The following LIN7A variants were observed in gnomAD, a reference collection of about 807,000 sequenced individuals.
LIN7A encodes the protein protein lin-7 homolog A.
A neutral mutation model predicts 29.8 loss-of-function variants in LIN7A; 25 were observed. The observed-to-expected ratio is 0.84, with a 90% CI of 0.61 to 1.17. LIN7A has a LOEUF of 1.17. Ranked by LOEUF, LIN7A falls within the 50% of genes most tolerant of loss-of-function variation. The pLI, the probability that LIN7A is intolerant of heterozygous loss-of-function variation, is 0.00. For missense variants in LIN7A, 239 were observed against 287.0 expected, an observed-to-expected ratio of 0.83 and a Z score of 1.21; for synonymous variants, 118 against 107.5, an observed-to-expected ratio of 1.10 and a Z score of -0.60.
At chr12:80,865,788 G>A (rs1456077462) in intron 2 of LIN7A, among the ~76,000 whole-genome samples, 1 of 152,180 alleles carries the variant, frequency 6.6e-6, no homozygotes, top group Non-Finnish European at 1.5e-5. Flanking sequence ...AAAATAAGTG[G>A]ACATACAGCC....
chr12:80,864,992 A>G (rs1480387586), intron 2 of LIN7A, among the ~76,000 whole-genome samples: 1 of 152,190 alleles, frequency 6.6e-6, no homozygotes, highest in East Asian at 1.9e-4. Context: ...AATGCTATCA[A>G]TTCATGTAAA....
At chr12:80,933,769 T>C (rs1878050179) in intron 1 of LIN7A, among the ~76,000 whole-genome samples, 1 of 152,096 alleles carries the variant, frequency 6.6e-6, no homozygotes. Flanking sequence ...ACAGGACTCT[T>C]CTCAAATGTC....
intron 1 of LIN7A, among the ~76,000 whole-genome samples, chr12:80,902,217 G>GTTTTTTTTT (rs11410643): frequency 8.0e-6 from 1 of 125,642 alleles, no homozygotes; most frequent in African/African-American, 3.1e-5. Flanking sequence ...TGGTCTATGT[G>GTTTTTTTTT]TTTTTTTTTT....
chr12:80,928,727 T>C (rs1046626244), intron 1 of LIN7A, among the ~76,000 whole-genome samples: 1 of 152,192 alleles, frequency 6.6e-6, no homozygotes, highest in Non-Finnish European at 1.5e-5. Flanking sequence ...TTGGCTTTTG[T>C]TGCCATTTGC....
At chr12:80,929,721 A>G (rs1406448165) in intron 1 of LIN7A, among the ~76,000 whole-genome samples, 1 of 152,146 alleles carries the variant, frequency 6.6e-6, no homozygotes, top group South Asian at 2.1e-4. Context: ...AAATATATAT[A>G]TGTACACACA....
intron 1 of LIN7A, among the ~76,000 whole-genome samples, chr12:80,902,217 G>GTTTTTTTT (rs11410643): frequency 8.0e-6 from 1 of 125,646 alleles, no homozygotes. Flanking sequence ...TGGTCTATGT[G>GTTTTTTTT]TTTTTTTTTT....
intron 4 of LIN7A, among the ~76,000 whole-genome samples, chr12:80,838,366 A>G (rs1321191694): frequency 6.6e-6 from 1 of 152,222 alleles, no homozygotes; most frequent in Admixed American, 6.5e-5. Flanking sequence ...CTATTGAGAT[A>G]GCACGATATT....
intron 1 of LIN7A, among the ~76,000 whole-genome samples, chr12:80,916,814 G>A (rs995127119): frequency 6.6e-6 from 1 of 151,704 alleles, no homozygotes; most frequent in Non-Finnish European, 1.5e-5. Flanking sequence ...GCCAGATAAA[G>A]AGAAGAAGAA....
chr12:80,912,229 G>C (rs1339659913), intron 1 of LIN7A, among the ~76,000 whole-genome samples: 1 of 152,086 alleles, frequency 6.6e-6, no homozygotes, highest in Non-Finnish European at 1.5e-5. Context: ...TTTGAAAGCA[G>C]TGACTGAGAA....
chr12:80,897,090 A>T (rs867124687), intron 1 of LIN7A, among the ~76,000 whole-genome samples: 17 of 151,386 alleles, frequency 1.1e-4, no homozygotes, highest in African/African-American at 3.4e-4. Context: ...TGTTTTTTTT[A>T]AAATCCTTCT....
At chr12:80,915,175 CA>C (rs1231956828) in intron 1 of LIN7A, among the ~76,000 whole-genome samples, 1 of 136,560 alleles carries the variant, frequency 7.3e-6, no homozygotes, top group African/African-American at 2.7e-5. Flanking sequence ...AACAAAAAAA[CA>C]AAAAAAATTA....
At chr12:80,811,945 G>GCTAA (rs1871312405) in intron 4 of LIN7A, among the ~76,000 whole-genome samples, 1 of 152,096 alleles carries the variant, frequency 6.6e-6, no homozygotes, top group South Asian at 2.1e-4. Flanking sequence ...AAATTATAAT[G>GCTAA]CTAACATTAG....
chr12:80,901,842 G>A (rs1183882880), intron 1 of LIN7A, among the ~76,000 whole-genome samples: 3 of 151,876 alleles, frequency 2.0e-5, no homozygotes, highest in Non-Finnish European at 4.4e-5. Flanking sequence ...ACTGTCATCC[G>A]TTTTCTTCAT....
chr12:80,805,421 GAA>G (rs1331699761), intron 5 of LIN7A, among the ~76,000 whole-genome samples: 1 of 151,974 alleles, frequency 6.6e-6, no homozygotes, highest in African/African-American at 2.4e-5. Flanking sequence ...AGAGTGGGAG[GAA>G]AAAGAGATTT....
chr12:80,808,709 G>C (rs989107238), intron 5 of LIN7A, among the ~76,000 whole-genome samples: 2 of 151,962 alleles, frequency 1.3e-5, no homozygotes, highest in Non-Finnish European at 2.9e-5. Context: ...GTTTCACCAT[G>C]TTAGCCAGGA....
intron 4 of LIN7A, 48 bp downstream of exon 4, chr12:80,845,682 A>C: frequency 6.6e-7 from 1 of 1,510,690 alleles, no homozygotes; most frequent in Non-Finnish European, 9.0e-7. Context: ...GGGGCAAAAA[A>C]AAAGAATGTG....
chr12:80,812,580 T>A (rs752689240), intron 4 of LIN7A, among the ~76,000 whole-genome samples: 2 of 152,164 alleles, frequency 1.3e-5, no homozygotes, highest in Non-Finnish European at 2.9e-5. Flanking sequence ...AGACAGAGTT[T>A]CACTCTTGTT....
chr12:80,832,353 A>G (rs959364301), intron 4 of LIN7A, among the ~76,000 whole-genome samples: 8 of 152,156 alleles, frequency 5.3e-5, no homozygotes, highest in Admixed American at 5.2e-4. Flanking sequence ...TGAAGATTTT[A>G]AAGTGATATT....
intron 2 of LIN7A, among the ~76,000 whole-genome samples, chr12:80,878,594 C>A (rs1874845575): frequency 1.3e-5 from 2 of 152,172 alleles, no homozygotes; most frequent in African/African-American, 4.8e-5. Flanking sequence ...AATACTTCCA[C>A]AGTACGGAAA....
Sources: allele counts gnomAD v4.1 joint callset (sites outside exome capture counted in the v4.1 genomes callset), GRCh38; gene constraint gnomAD v4.1.1; transcripts MANE v1.5; gene names NCBI Gene and HGNC (gene_info 2026-07-23, HGNC 2026-07-21).